The following ANKRD44 variants were observed in gnomAD, a reference collection of about 807,000 sequenced individuals.
ANKRD44 encodes ankyrin repeat domain 44.
ANKRD44 carries 35 observed loss-of-function variants against 116.0 expected under a neutral mutation model. The observed-to-expected ratio is 0.30, with a 90% CI of 0.23 to 0.40. ANKRD44 has a LOEUF of 0.40. ANKRD44 is among the 10% of genes least tolerant of loss of function. ANKRD44 has a pLI of 1.00. For synonymous variants in ANKRD44, 435 were observed against 461.8 expected (o/e 0.94, Z 0.74); for missense variants, 1,014 against 1,242.6 (o/e 0.82, Z 2.77).
At chr2:197,132,508 T>C (rs973757887) in intron 4 of ANKRD44, among the ~76,000 whole-genome samples, 1 of 152,220 alleles carries the variant, frequency 6.6e-6, no homozygotes, top group African/African-American at 2.4e-5. Context: ...CACAGAAATC[T>C]GAACATAAAT....
rs1452576171 is a variant in ANKRD44 at position 197,040,374 on chromosome 2, GC to G, written c.1651-15108del. On this transcript the variant is annotated intron_variant, in intron 16 of 27. Coordinates refer to ENST00000282272, the MANE Select transcript of ANKRD44 (RefSeq NM_001195144.2). Reference sequence around the variant, plus strand: ...TCAGATTTGTTTCCAGTGGAGGTAAGCCTTTTTTTTTTTTTTTTTTGAGACA... The same window carrying G: ...TCAGATTTGTTTCCAGTGGAGGTAAGCTTTTTTTTTTTTTTTTTTGAGACA... Among the ~76,000 whole-genome samples, 65 of 129,926 alleles carry G rather than the reference GC, an allele frequency of 5.0e-4. 1 individual carries two copies. The highest frequency in any genetic ancestry group is 7.2e-4 in the Non-Finnish European group (45 of 62,728). The allele number at this position is 129,926 out of a possible 152,430, so 85.2% of individuals were successfully genotyped here.
intron 4 of ANKRD44, among the ~76,000 whole-genome samples, chr2:197,127,918 G>A (rs1238548709): frequency 6.6e-6 from 1 of 152,144 alleles, no homozygotes; most frequent in Non-Finnish European, 1.5e-5. Flanking sequence ...GACGTGCGGT[G>A]TTTGGTTTTC....
At chr2:197,251,342 C>CT (rs902317942) in intron 1 of ANKRD44, among the ~76,000 whole-genome samples, 9 of 152,100 alleles carry the variant, frequency 5.9e-5, no homozygotes, top group East Asian at 1.9e-4. Context: ...GTTCTTACAG[C>CT]TTTTTTTTCC....
intron 1 of ANKRD44, among the ~76,000 whole-genome samples, chr2:197,280,482 G>A (rs546454355): frequency 6.6e-6 from 1 of 152,294 alleles, no homozygotes; most frequent in East Asian, 1.9e-4. Context: ...TCTGTTTTCA[G>A]TTACCTGTGC....
downstream of ANKRD44, among the ~76,000 whole-genome samples, chr2:196,982,883 T>C (rs1214258869): frequency 6.6e-6 from 1 of 152,170 alleles, no homozygotes; most frequent in African/African-American, 2.4e-5. Context: ...TACAGGGACA[T>C]GGATGAAGCT....
chr2:197,183,071 A>G (rs1203478180), intron 2 of ANKRD44, among the ~76,000 whole-genome samples: 1 of 152,212 alleles, frequency 6.6e-6, no homozygotes, highest in Non-Finnish European at 1.5e-5. Flanking sequence ...AATAAATCTC[A>G]ATGAGTCAAG....
intron 1 of ANKRD44, among the ~76,000 whole-genome samples, chr2:197,279,199 T>C (rs1449210385): frequency 6.6e-6 from 1 of 152,212 alleles, no homozygotes; most frequent in Admixed American, 6.5e-5. Context: ...ATGCTGGTGA[T>C]AGAACATTTC....
intron 16 of ANKRD44, among the ~76,000 whole-genome samples, chr2:197,072,784 T>G (rs1194950063): frequency 2.0e-5 from 3 of 152,218 alleles, no homozygotes; most frequent in African/African-American, 7.2e-5. Flanking sequence ...GTTTAGCTAT[T>G]TACTGAACCA....
chr2:197,107,396 C>A (rs2078457994), intron 9 of ANKRD44, among the ~76,000 whole-genome samples: 4 of 152,188 alleles, frequency 2.6e-5, no homozygotes, highest in Non-Finnish European at 5.9e-5. Context: ...CCTTCAGACA[C>A]CAGATGCTGT....
intron 2 of ANKRD44, among the ~76,000 whole-genome samples, chr2:197,181,885 T>A (rs2080515387): frequency 6.6e-6 from 1 of 152,216 alleles, no homozygotes; most frequent in South Asian, 2.1e-4. Context: ...ACTTAAACTA[T>A]TTGGGGCCAT....
chr2:197,056,876 T>G (rs1394909267), intron 16 of ANKRD44, among the ~76,000 whole-genome samples: 7 of 152,222 alleles, frequency 4.6e-5, no homozygotes, highest in African/African-American at 1.7e-4. Flanking sequence ...ACCACCTATC[T>G]TAACATCTGT....
intron 9 of ANKRD44, among the ~76,000 whole-genome samples, chr2:197,102,044 G>C (rs1375964152): frequency 6.7e-6 from 1 of 149,820 alleles, no homozygotes; most frequent in African/African-American, 2.5e-5. Flanking sequence ...TCTGTGTTTC[G>C]CTTTGCAAAA....
At chr2:197,192,287 C>G (rs959065336) in intron 1 of ANKRD44, among the ~76,000 whole-genome samples, 1 of 152,160 alleles carries the variant, frequency 6.6e-6, no homozygotes, top group Non-Finnish European at 1.5e-5. Flanking sequence ...CAAGCAGCAT[C>G]CAGGGATGCT....
intron 10 of ANKRD44, among the ~76,000 whole-genome samples, chr2:197,094,531 A>G (rs1258518610): frequency 2.0e-5 from 3 of 152,206 alleles, no homozygotes; most frequent in African/African-American, 7.2e-5. Flanking sequence ...AATCAGTTGT[A>G]TGATTCCTTA....
chr2:197,282,730 G>A (rs1354518632), intron 1 of ANKRD44, among the ~76,000 whole-genome samples: 2 of 152,168 alleles, frequency 1.3e-5, no homozygotes, highest in African/African-American at 2.4e-5. Context: ...AGGCCAAGAC[G>A]AGCAGATCAC....
chr2:197,278,481 C>G (rs1045167358), intron 1 of ANKRD44, among the ~76,000 whole-genome samples: 5 of 151,988 alleles, frequency 3.3e-5, no homozygotes. Flanking sequence ...CTCAGCCTCC[C>G]GAGTAGCTGG....
chr2:197,079,862 C>T (rs1401438560), intron 15 of ANKRD44, among the ~76,000 whole-genome samples: 1 of 152,150 alleles, frequency 6.6e-6, no homozygotes, highest in East Asian at 1.9e-4. Context: ...GTCAATTACA[C>T]ATAGGGACAA....
intron 4 of ANKRD44, among the ~76,000 whole-genome samples, chr2:197,128,881 TC>T (rs1399137830): frequency 6.6e-6 from 1 of 152,046 alleles, no homozygotes; most frequent in African/African-American, 2.4e-5. Context: ...TTCAAATCCA[TC>T]ACTTTTGAGC....
chr2:197,280,131 C>T (rs902361378), intron 1 of ANKRD44, among the ~76,000 whole-genome samples: 19 of 152,122 alleles, frequency 1.2e-4, no homozygotes, highest in Admixed American at 1.1e-3. Flanking sequence ...GTCACATACA[C>T]CTAAGAGTGT....
Sources: allele counts gnomAD v4.1 joint callset (sites outside exome capture counted in the v4.1 genomes callset), GRCh38; gene constraint gnomAD v4.1.1; transcripts MANE v1.5; gene names NCBI Gene and HGNC (gene_info 2026-07-23, HGNC 2026-07-21).